Variants in ARSJ observed in about 807,000 individuals in gnomAD.
ARSJ encodes the protein arylsulfatase J.
ARSJ carries 26 observed loss-of-function variants against 35.9 expected under a neutral mutation model. The ratio of observed to expected loss-of-function variants is 0.72; its 90% CI spans 0.53 to 1.00. The LOEUF (loss-of-function observed/expected upper bound fraction) is 1.00, where lower values mean the gene tolerates loss of function less well. ARSJ is among the 50% of genes least tolerant of loss of function. The pLI, the probability that ARSJ is intolerant of heterozygous loss-of-function variation, is 0.00. For synonymous variants in ARSJ, 294 were observed against 267.6 expected (o/e 1.10, Z -0.96); for missense variants, 667 against 723.6 (o/e 0.92, Z 0.90).
intron 1 of ARSJ, among the ~76,000 whole-genome samples, chr4:113,937,237 G>A (rs747815200): frequency 2.0e-5 from 3 of 151,812 alleles, no homozygotes; most frequent in African/African-American, 4.8e-5. Context: ...TTCTGACCAC[G>A]AATAATTGTT....
intron 1 of ARSJ, among the ~76,000 whole-genome samples, chr4:113,910,855 C>T (rs766417930): frequency 2.2e-4 from 34 of 152,058 alleles, no homozygotes; most frequent in Non-Finnish European, 2.9e-4. Flanking sequence ...ACAGACAAGC[C>T]ATTAGAGGAT....
At chr4:113,957,504 A>G (rs1012116694) in intron 1 of ARSJ, among the ~76,000 whole-genome samples, 2 of 152,084 alleles carry the variant, frequency 1.3e-5, no homozygotes, top group Non-Finnish European at 2.9e-5. Context: ...TCTGAAACAA[A>G]TGTGGTCTTT....
chr4:113,927,616 G>A (rs1724152696), intron 1 of ARSJ, among the ~76,000 whole-genome samples: 1 of 152,182 alleles, frequency 6.6e-6, no homozygotes, highest in Admixed American at 6.5e-5. Flanking sequence ...TGCCAAGTCA[G>A]TGGCTGCATA....
chr4:113,960,577 AG>A (rs1414513456), intron 1 of ARSJ, among the ~76,000 whole-genome samples: 6 of 152,114 alleles, frequency 3.9e-5, no homozygotes, highest in African/African-American at 9.7e-5. Flanking sequence ...TAGAAAAAAA[AG>A]AATCAAAGAA....
intron 1 of ARSJ, among the ~76,000 whole-genome samples, chr4:113,904,085 GA>G (rs947325268): frequency 2.4e-4 from 12 of 50,728 alleles, no homozygotes; most frequent in African/African-American, 1.3e-3. Flanking sequence ...AACATGCCCA[GA>G]TTTTTTTTTT....
intron 1 of ARSJ, among the ~76,000 whole-genome samples, chr4:113,924,014 AG>A (rs1723846968): frequency 7.7e-6 from 1 of 129,458 alleles, no homozygotes; most frequent in African/African-American, 2.8e-5. Flanking sequence ...TACTATCTAT[AG>A]AATCTACATA....
intron 1 of ARSJ, among the ~76,000 whole-genome samples, chr4:113,917,464 G>T (rs527826412): frequency 6.6e-6 from 1 of 152,264 alleles, no homozygotes; most frequent in East Asian, 1.9e-4. Context: ...GCATGTAAAA[G>T]TGCAAGGATT....
rs1181060978 is a variant in ARSJ at position 113,901,801 on chromosome 4, T to G, written c.*473A>C. The G allele has an allele frequency of 5.4e-6, 1 of 186,166 alleles. No homozygotes were observed. The highest frequency in any genetic ancestry group is 1.1e-5 in the Non-Finnish European group (1 of 88,874). 11.5% of individuals were successfully genotyped at this position (186,166 alleles called of 1,614,324 possible). A position where few individuals can be genotyped will look rare whatever the true frequency, so the allele number is the denominator to read the frequency against. ...CCAAGAAAATATATTCTTCAAGGCC[T>G]TTGAGGTGACACAATCTTTGACTGT... On this transcript the variant is annotated 3_prime_UTR_variant, in exon 2 of 2. Transcript: ENST00000315366.
chr4:113,905,660 A>ATTTTTTTTT (rs766150372), intron 1 of ARSJ, among the ~76,000 whole-genome samples: 7 of 81,858 alleles, frequency 8.6e-5, no homozygotes, highest in Admixed American at 1.8e-4. Context: ...GTTCTTGATA[A>ATTTTTTTTT]TTTTTTTTTT....
chr4:113,919,531 G>A (rs755926160), intron 1 of ARSJ, among the ~76,000 whole-genome samples: 1 of 152,162 alleles, frequency 6.6e-6, no homozygotes, highest in Non-Finnish European at 1.5e-5. Context: ...AACCAAAGGA[G>A]CCCCGAATGT....
intron 1 of ARSJ, among the ~76,000 whole-genome samples, chr4:113,907,822 T>C (rs2099669229): frequency 1.3e-5 from 2 of 152,070 alleles, no homozygotes; most frequent in Admixed American, 1.3e-4. Context: ...TTATCCTAAG[T>C]GAATTAACAC....
intron 1 of ARSJ, among the ~76,000 whole-genome samples, chr4:113,931,240 C>T (rs963149586): frequency 3.3e-5 from 5 of 151,844 alleles, no homozygotes; most frequent in African/African-American, 1.2e-4. Flanking sequence ...TTGGCTCAGC[C>T]TCCTTTACTT....
intron 1 of ARSJ, among the ~76,000 whole-genome samples, chr4:113,950,910 T>C (rs1371620444): frequency 1.3e-5 from 2 of 152,080 alleles, no homozygotes; most frequent in African/African-American, 4.8e-5. Flanking sequence ...TGACGTGGTG[T>C]CCTGTTGTTC....
chr4:113,903,474 A>T lies in ARSJ; in HGVS notation c.600T>A (p.Leu200=), dbSNP rs973011192. 1 of 1,614,068 alleles carries T rather than the reference A, an allele frequency of 6.2e-7. No individual in the cohort carries two copies. The highest frequency in any genetic ancestry group is 1.3e-5 in the African/African-American group (1 of 74,924). Residue 200 remains leucine (L), a synonymous_variant, in exon 2 of 2, where the codon CTT becomes CTA. Transcript: ENST00000315366. ...GTGTATAGTAATCCCCACTTCCCAA[A>T]AGGGAACCAAAAAAGGTATCAAATC... ...RRGFDTFFGS[L]LGSGDYYTHY...
In ARSJ at chr4:113,902,744, C is replaced by T; in HGVS notation, c.1330G>A (p.Ala444Thr). 1.2e-6 allele frequency: 2 copies of T among 1,614,192 alleles called. No homozygotes were observed. Among genetic ancestry groups the T allele is most frequent in the South Asian group, 2.2e-5 (2 of 91,084 alleles). Residue 444 changes from alanine (A) to threonine (T), a missense_variant, in exon 2 of 2, where the codon GCA becomes ACA. Transcript: ENST00000315366. ...TGCACTCTGATGGCTGACTGGATTG[C>T]AGTGTTCCAGATCCCATAGCCTGCT... ...WAAGYGIWNT[A>T]IQSAIRVQHW...
intron 1 of ARSJ, among the ~76,000 whole-genome samples, chr4:113,926,015 A>G (rs1724035661): frequency 6.6e-6 from 1 of 152,046 alleles, no homozygotes; most frequent in African/African-American, 2.4e-5. Flanking sequence ...TTGTTCATGG[A>G]CCCATTGGGC....
chr4:113,938,812 G>A (rs529278570), intron 1 of ARSJ, among the ~76,000 whole-genome samples: 21 of 151,996 alleles, frequency 1.4e-4, no homozygotes, highest in African/African-American at 4.6e-4. Context: ...AGAACCATAC[G>A]AGAAAAGCTC....
intron 1 of ARSJ, among the ~76,000 whole-genome samples, chr4:113,955,589 A>G (rs1462444922): frequency 3.9e-5 from 6 of 152,192 alleles, no homozygotes; most frequent in African/African-American, 1.2e-4. Context: ...GTAGAACTCA[A>G]TAAATACCAT....
chr4:113,904,432 C>A (rs1325901398), intron 1 of ARSJ, among the ~76,000 whole-genome samples: 1 of 152,166 alleles, frequency 6.6e-6, no homozygotes, highest in South Asian at 2.1e-4. Context: ...CTCTTAAGTA[C>A]TAAAAATACA....
Sources: gnomAD v4.1 joint callset for allele counts (sites outside exome capture counted in the v4.1 genomes callset) on GRCh38, gnomAD v4.1.1 for gene constraint, MANE v1.5 for transcripts, NCBI Gene and HGNC (gene_info 2026-07-23, HGNC 2026-07-21) for gene names.